The following TUFT1 variants were observed in gnomAD, a reference collection of about 807,000 sequenced individuals.
TUFT1 encodes tuftelin.
A neutral mutation model predicts 57.8 loss-of-function variants in TUFT1; 43 were observed. The ratio of observed to expected loss-of-function variants is 0.74; its 90% confidence interval spans 0.58 to 0.96. The LOEUF is 0.96. Among genes scored for constraint, TUFT1 ranks in the 40% least tolerant of loss-of-function variants. The pLI, the probability that TUFT1 is intolerant of heterozygous loss-of-function variation, is 0.00. For synonymous variants in TUFT1, 166 were observed against 176.7 expected, an observed-to-expected ratio of 0.94 and a Z score of 0.48; for missense variants, 459 against 489.0, an observed-to-expected ratio of 0.94 and a Z score of 0.58.
chr1:151,556,556 A>G (rs985748711), intron 1 of TUFT1, among the ~76,000 whole-genome samples: 1 of 152,074 alleles, frequency 6.6e-6, no homozygotes, highest in Non-Finnish European at 1.5e-5. Context: ...CAACAGGCAC[A>G]CAACACCATG....
intron 1 of TUFT1, among the ~76,000 whole-genome samples, chr1:151,554,481 C>T (rs1665609819): frequency 6.6e-6 from 1 of 152,182 alleles, no homozygotes; most frequent in Admixed American, 6.5e-5. Context: ...CTCACTGCAA[C>T]CTCTGCCTCC....
intron 1 of TUFT1, among the ~76,000 whole-genome samples, chr1:151,554,629 A>C (rs1375951543): frequency 7.0e-6 from 1 of 143,264 alleles, no homozygotes; most frequent in Admixed American, 7.1e-5. Context: ...CGAACTCCTG[A>C]CCTCGTGATC....
chr1:151,554,107 C>G (rs765285761), intron 1 of TUFT1, among the ~76,000 whole-genome samples: 8 of 152,174 alleles, frequency 5.3e-5, no homozygotes, highest in Non-Finnish European at 1.0e-4. Context: ...ACAGAGAACT[C>G]TTATATACCC....
chr1:151,570,966 C>T (rs1666233843), intron 7 of TUFT1, among the ~76,000 whole-genome samples: 1 of 152,138 alleles, frequency 6.6e-6, no homozygotes, highest in Non-Finnish European at 1.5e-5. Context: ...CTTAGCCTCC[C>T]AAAATGTGGG....
Position 151,564,506 on chromosome 1 carries a change from T to G in TUFT1, c.325-19T>G. ...CTTTCTCTACCCTAAAGCTCAAGTT[T>G]CTTCCCCTCCCCTCCCAGGCCAGGA... On this transcript the variant is annotated intron_variant, in intron 4 of 12. Coordinates refer to ENST00000368849, the MANE Select transcript of TUFT1 (RefSeq NM_020127.3). 3 of 1,605,860 alleles carry G rather than the reference T, an allele frequency of 1.9e-6. No individual in the cohort carries two copies. The highest frequency in any genetic ancestry group is 2.6e-6 in the Non-Finnish European group (3 of 1,173,150).
At chr1:151,550,793 T>G (rs1665483900) in intron 1 of TUFT1, among the ~76,000 whole-genome samples, 1 of 152,234 alleles carries the variant, frequency 6.6e-6, no homozygotes, top group Non-Finnish European at 1.5e-5. Flanking sequence ...CCAGGCACGG[T>G]GGTGCACGCC....
intron 9 of TUFT1, 87 bp from the exon 10 acceptor site, chr1:151,578,634 G>A: frequency 1.7e-6 from 2 of 1,180,114 alleles, no homozygotes; most frequent in Non-Finnish European, 2.4e-6. Flanking sequence ...ATATTAATGG[G>A]AACCTCCCAA....
intron 11 of TUFT1, among the ~76,000 whole-genome samples, chr1:151,580,220 A>G (rs1005784347): frequency 1.3e-5 from 2 of 152,214 alleles, no homozygotes; most frequent in African/African-American, 2.4e-5. Flanking sequence ...CCCTGTAGTG[A>G]GGGAGAAAAA....
intron 3 of TUFT1, among the ~76,000 whole-genome samples, chr1:151,563,533 G>C (rs1665966119): frequency 6.6e-6 from 1 of 152,186 alleles, no homozygotes; most frequent in African/African-American, 2.4e-5. Flanking sequence ...AGGGGTGTAG[G>C]AGGCCATGCC....
At position 151,569,958 on chromosome 1, in the gene TUFT1, A is replaced by C. The variant is rs796637411; in HGVS notation, c.594+188A>C. The C allele has an allele frequency of 1.1e-5, 6 of 539,832 alleles. No individual in the cohort carries two copies. The African/African-American group carries it at 1.1e-4, about 10-fold the overall frequency. 33.4% of individuals were successfully genotyped at this position (539,832 alleles called of 1,614,324 possible). On this transcript the variant is annotated intron_variant, in intron 7 of 12. Transcript: ENST00000368849. ...GGACGTTTACACTGTTTACTGTCCA[A>C]GGCCAGCCCATAGTTCAAAGGTCAG...
chr1:151,551,417 G>A (rs1019656857), intron 1 of TUFT1, among the ~76,000 whole-genome samples: 1 of 152,036 alleles, frequency 6.6e-6, no homozygotes, highest in African/African-American at 2.4e-5. Context: ...TGATTTTCTC[G>A]GGGGAGATGA....
Position 151,579,783 on chromosome 1 carries a change from T to C in TUFT1, c.1008+51T>C, listed in dbSNP as rs1407112895. 3 of 1,565,576 alleles carry C rather than the reference T, an allele frequency of 1.9e-6. No individual in the cohort carries two copies. In the African/African-American group the frequency reaches 4.1e-5, roughly 21 times the overall value. On this transcript the variant is annotated intron_variant, in intron 11 of 12. Coordinates refer to ENST00000368849, the MANE Select transcript of TUFT1 (RefSeq NM_020127.3). ...GGGAACAGGACTCTTGAAGAGAAGGTGGACATAAGGGAGACAGAGGTTATG... is the reference window on the plus strand; with the variant it reads ...GGGAACAGGACTCTTGAAGAGAAGGCGGACATAAGGGAGACAGAGGTTATG...
intron 5 of TUFT1, among the ~76,000 whole-genome samples, chr1:151,565,547 TCTGGCTGGTGG>T (rs1666042087): frequency 6.6e-6 from 1 of 152,250 alleles, no homozygotes; most frequent in Non-Finnish European, 1.5e-5. Context: ...TGAGCTCACA[TCTGGCTGGTGG>T]GAGCTACTTT....
At chr1:151,562,543 C>CGT (rs751612376) in intron 2 of TUFT1, 42 bp from the exon 3 acceptor site, 1 of 1,245,592 alleles carries the variant, frequency 8.0e-7, no homozygotes, top group South Asian at 1.3e-5. Context: ...GTGTCTGAGC[C>CGT]ATCTCTCTCT....
chr1:151,559,085 G>A (rs1006485703), intron 1 of TUFT1, among the ~76,000 whole-genome samples: 5 of 152,146 alleles, frequency 3.3e-5, no homozygotes, highest in Admixed American at 6.5e-5. Flanking sequence ...GCCCCTGGTC[G>A]AGATACTGTT....
Position 151,558,319 on chromosome 1 carries a change from ACT to A in TUFT1, c.61-3767_61-3766del, listed in dbSNP as rs1353751970. Among the ~76,000 whole-genome samples the A allele has an allele frequency of 2.7e-5, 4 of 150,938 alleles. No individual in the cohort carries two copies. In the East Asian group the frequency reaches 7.8e-4, roughly 30 times the overall value. ...GAAAAATAGTATGCCACTTCCTTCT[ACT>A]CTCTGTCATTTCCGAAGAGAAAATA... On this transcript the variant is annotated intron_variant, in intron 1 of 12. Coordinates refer to ENST00000368849, the MANE Select transcript of TUFT1 (RefSeq NM_020127.3).
At chr1:151,580,116 G>A (rs555760746) in intron 11 of TUFT1, among the ~76,000 whole-genome samples, 31 of 152,248 alleles carry the variant, frequency 2.0e-4, no homozygotes, top group African/African-American at 6.3e-4. Context: ...ATTACGTAAC[G>A]AGTTGCCTTC....
chr1:151,577,495 CAT>C (rs1558015971), intron 9 of TUFT1, among the ~76,000 whole-genome samples: 1 of 152,138 alleles, frequency 6.6e-6, no homozygotes, highest in African/African-American at 2.4e-5. Context: ...TATAACAAAA[CAT>C]AGGTGCTGTA....
At chr1:151,561,776 A>G (rs1665902954) in intron 1 of TUFT1, 1 of 1,358,768 alleles carries the variant, frequency 7.4e-7, no homozygotes, top group Admixed American at 2.2e-5. Context: ...ACAACTAGAG[A>G]AAGAAGAATG....
Sources: gnomAD v4.1 joint callset for allele counts (sites outside exome capture counted in the v4.1 genomes callset) on GRCh38, gnomAD v4.1.1 for gene constraint, MANE v1.5 for transcripts, NCBI Gene and HGNC (gene_info 2026-07-23, HGNC 2026-07-21) for gene names.